The following FSTL5 variants were observed in gnomAD, a reference collection of about 807,000 sequenced individuals.
FSTL5 encodes the protein follistatin like 5, also known as follistatin-related protein 5.
FSTL5 carries 62 observed loss-of-function variants against 89.1 expected under a neutral mutation model. That is an observed-to-expected ratio of 0.70 (90% CI 0.57 to 0.86). FSTL5 has a LOEUF of 0.86. Among genes scored for constraint, FSTL5 ranks in the 40% least tolerant of loss-of-function variants. FSTL5 has a pLI of 0.00. For missense variants in FSTL5, 1,057 were observed against 1,001.6 expected (o/e 1.06, Z -0.75); for synonymous variants, 383 against 346.2 (o/e 1.11, Z -1.18).
chr4:161,560,298 T>C (rs990076378), intron 8 of FSTL5, among the ~76,000 whole-genome samples: 5 of 151,946 alleles, frequency 3.3e-5, no homozygotes, highest in Admixed American at 6.6e-5. Context: ...GGATGAGATG[T>C]TGCTGAGTCA....
At chr4:161,749,521 G>A (rs1388430826) in intron 6 of FSTL5, among the ~76,000 whole-genome samples, 2 of 152,120 alleles carry the variant, frequency 1.3e-5, no homozygotes, top group Non-Finnish European at 2.9e-5. Flanking sequence ...TAATAGGCCC[G>A]GCGCGGTGGC....
chr4:162,121,277 A>G (rs994078410), intron 1 of FSTL5, among the ~76,000 whole-genome samples: 6 of 152,004 alleles, frequency 3.9e-5, no homozygotes, highest in African/African-American at 1.4e-4. Context: ...TTTAAGTTGC[A>G]TAATATTACA....
intron 1 of FSTL5, among the ~76,000 whole-genome samples, chr4:162,141,181 A>G (rs1732725902): frequency 1.4e-5 from 1 of 69,606 alleles, no homozygotes; most frequent in Non-Finnish European, 2.9e-5. Flanking sequence ...CAGTGGCGCG[A>G]TCTCGACTCA....
intron 3 of FSTL5, among the ~76,000 whole-genome samples, chr4:161,990,834 C>T (rs1466371277): frequency 6.6e-6 from 1 of 152,046 alleles, no homozygotes; most frequent in South Asian, 2.1e-4. Flanking sequence ...AATATGTGAG[C>T]TACAACACAC....
rs558545945 is a variant in FSTL5 at position 162,150,132 on chromosome 4, A to C, written c.-17+13483T>G. Among the ~76,000 whole-genome samples, 7 of 152,264 alleles carry C rather than the reference A, an allele frequency of 4.6e-5. No individual in the cohort carries two copies. In the East Asian group the frequency reaches 1.4e-3, roughly 29 times the overall value. ...TTCAAGAGATAAGTTATGTTGAATA[A>C]ATATTGACATACTTGAGAAGGCCAA... On this transcript the variant is annotated intron_variant, in intron 1 of 15. Coordinates refer to ENST00000306100, the MANE Select transcript of FSTL5 (RefSeq NM_020116.5).
chr4:161,669,431 G>T (rs1282512197), intron 6 of FSTL5, among the ~76,000 whole-genome samples: 1 of 152,104 alleles, frequency 6.6e-6, no homozygotes, highest in African/African-American at 2.4e-5. Flanking sequence ...TGTGGCACTG[G>T]TGAAATAATA....
At chr4:161,951,385 G>A (rs1286825809) in intron 3 of FSTL5, among the ~76,000 whole-genome samples, 1 of 152,054 alleles carries the variant, frequency 6.6e-6, no homozygotes, top group East Asian at 1.9e-4. Flanking sequence ...AGGATTAAAA[G>A]CAGTCAGAAA....
rs113750744 is a variant in FSTL5, at chr4:161,459,086, C to G, written c.1716+126G>C. On this transcript the variant is annotated intron_variant, in intron 14 of 15. Transcript: ENST00000306100. ...CTTTTTTGCCTTTTTCTGTGCCTAT[C>G]TAGTTATGATTAAAGCTGTAGTCCT... 1,657 of 642,812 alleles carry G rather than the reference C, an allele frequency of 2.6e-3. 16 individuals are homozygous for G. The highest frequency in any genetic ancestry group is 0.021 in the African/African-American group (1,174 of 54,698). 39.8% of individuals were successfully genotyped at this position (642,812 alleles called of 1,614,324 possible).
chr4:162,004,089 T>C (rs952971560), intron 3 of FSTL5, among the ~76,000 whole-genome samples: 42 of 152,328 alleles, frequency 2.8e-4, no homozygotes, highest in Non-Finnish European at 5.6e-4. Context: ...TGTTCTTTTC[T>C]TTATAGAAAT....
intron 6 of FSTL5, among the ~76,000 whole-genome samples, chr4:161,692,832 T>G (rs1157402176): frequency 2.0e-5 from 3 of 152,136 alleles, no homozygotes; most frequent in Non-Finnish European, 4.4e-5. Flanking sequence ...CAAGTGATTC[T>G]CCTGCCTCAG....
At chr4:162,043,648 T>C (rs1214522688) in intron 2 of FSTL5, among the ~76,000 whole-genome samples, 3 of 152,190 alleles carry the variant, frequency 2.0e-5, no homozygotes, top group Non-Finnish European at 4.4e-5. Context: ...CTGTAGCATG[T>C]AATGCATTTC....
At chr4:161,605,826 C>T (rs1394079904) in intron 7 of FSTL5, among the ~76,000 whole-genome samples, 1 of 152,184 alleles carries the variant, frequency 6.6e-6, no homozygotes, top group Non-Finnish European at 1.5e-5. Flanking sequence ...CTTTTCTAAA[C>T]CATGTCAGTT....
rs1170948701 is a variant in FSTL5 at position 161,437,544 on chromosome 4, T to C, written c.1841+17460A>G. On this transcript the variant is annotated intron_variant, in intron 15 of 15. Transcript: ENST00000306100. ...ATGGCGCCACCGCACTCCAGCCTGG[T>C]GACAGAGTGAGACTCCGTCTCAAAA... Among the ~76,000 whole-genome samples, 4 of 62,778 alleles carry C rather than the reference T, an allele frequency of 6.4e-5. 1 individual carries two copies. Among genetic ancestry groups the C allele is most frequent in the Admixed American group, 4.5e-4 (2 of 4,470 alleles). 41.2% of individuals were successfully genotyped at this position (62,778 alleles called of 152,430 possible).
intron 4 of FSTL5, among the ~76,000 whole-genome samples, chr4:161,861,466 G>C (rs983178128): frequency 2.0e-5 from 3 of 151,430 alleles, no homozygotes; most frequent in East Asian, 1.9e-4. Flanking sequence ...AAGAAGGGAG[G>C]GAAAGAAAGG....
intron 4 of FSTL5, among the ~76,000 whole-genome samples, chr4:161,804,989 C>T (rs961858838): frequency 2.7e-4 from 41 of 151,988 alleles, no homozygotes; most frequent in Non-Finnish European, 5.4e-4. Flanking sequence ...TTGAGGCAAC[C>T]TGCATTTAAT....
At chr4:162,145,589 G>C (rs1492459) in intron 1 of FSTL5, among the ~76,000 whole-genome samples, 35,347 of 151,938 alleles carry the variant, frequency 0.23, 4,306 homozygotes, top group Non-Finnish European at 0.26. Flanking sequence ...ACATGGACAT[G>C]AGGATATTCC....
chr4:161,478,956 A>G (rs888017838), intron 13 of FSTL5, among the ~76,000 whole-genome samples: 2 of 152,244 alleles, frequency 1.3e-5, no homozygotes, highest in South Asian at 2.1e-4. Flanking sequence ...AATATCATAC[A>G]TATCCATTTA....
intron 4 of FSTL5, among the ~76,000 whole-genome samples, chr4:161,797,288 G>T (rs1729660731): frequency 1.3e-5 from 2 of 151,452 alleles, no homozygotes; most frequent in South Asian, 4.1e-4. Flanking sequence ...TATCTATTCA[G>T]CAGGATAATG....
chr4:161,748,033 T>G (rs1001703916), intron 6 of FSTL5, among the ~76,000 whole-genome samples: 3 of 152,086 alleles, frequency 2.0e-5, no homozygotes, highest in Non-Finnish European at 4.4e-5. Flanking sequence ...TAATATAATA[T>G]CCTTAAGAAA....
Sources: gnomAD v4.1 joint callset for allele counts (sites outside exome capture counted in the v4.1 genomes callset) on GRCh38, gnomAD v4.1.1 for gene constraint, MANE v1.5 for transcripts, NCBI Gene and HGNC (gene_info 2026-07-23, HGNC 2026-07-21) for gene names.